SLMAP: variants seen among roughly 807,000 people sequenced by gnomAD.
The protein encoded by SLMAP is sarcolemmal membrane-associated protein.
In SLMAP, 44 loss-of-function variants were observed where a neutral mutation model predicts 128.8. The observed-to-expected ratio is 0.34, with a 90% CI of 0.27 to 0.44. The LOEUF (loss-of-function observed/expected upper bound fraction) is 0.44, where lower values mean the gene tolerates loss of function less well. Ranked by LOEUF, SLMAP falls within the 20% of genes least tolerant of loss-of-function variation. The pLI is 1.00. For synonymous variants in SLMAP, 327 were observed against 348.8 expected, an observed-to-expected ratio of 0.94 and a Z score of 0.70; for missense variants, 787 against 985.3, an observed-to-expected ratio of 0.80 and a Z score of 2.69.
chr3:57,854,392 G>A (rs1270439926), intron 6 of SLMAP, among the ~76,000 whole-genome samples: 1 of 152,082 alleles, frequency 6.6e-6, no homozygotes, highest in African/African-American at 2.4e-5. Context: ...GAGACCAGGA[G>A]TTCAAGACCA....
At chr3:57,808,553 G>C (rs1418853664) in intron 2 of SLMAP, among the ~76,000 whole-genome samples, 2 of 152,196 alleles carry the variant, frequency 1.3e-5, no homozygotes, top group African/African-American at 2.4e-5. Context: ...TTTCCATGCA[G>C]TTGTGTGGTT....
At chr3:57,896,179 G>A in intron 15 of SLMAP, 1 of 984,580 alleles carries the variant, frequency 1.0e-6, no homozygotes, top group Non-Finnish European at 1.2e-6. Flanking sequence ...CATTGTCCTG[G>A]GAATTGTACT....
chr3:57,832,909 C>A (rs931237906), intron 3 of SLMAP, among the ~76,000 whole-genome samples: 3 of 152,136 alleles, frequency 2.0e-5, no homozygotes, highest in Non-Finnish European at 2.9e-5. Context: ...ACACTTCTTA[C>A]TAAGAGAATT....
At chr3:57,854,156 A>T (rs572392512) in intron 6 of SLMAP, among the ~76,000 whole-genome samples, 2 of 149,872 alleles carry the variant, frequency 1.3e-5, no homozygotes, top group African/African-American at 2.5e-5. Flanking sequence ...TTCTCCCATT[A>T]TAAGTCCCTT....
rs925878705 is a variant in SLMAP at position 57,884,808 on chromosome 3, CA to C, written c.1301-5224del. On this transcript the variant is annotated intron_variant, in intron 14 of 24. Transcript: ENST00000671191. ...TGGGTGATAGAGCCAGACCTTGTCT[CA>C]AAAAAAAATAAAATAAAAAAATAAA... 6.7e-5 allele frequency among the ~76,000 whole-genome samples: 10 copies of C among 149,782 alleles called. No individual in the cohort carries two copies. In the South Asian group the frequency reaches 1.3e-3, roughly 19 times the overall value.
chr3:57,917,094 T>G lies in SLMAP; in HGVS notation c.2310+17T>G, dbSNP rs1247154956. The stretch of plus-strand genomic sequence containing the variant: ...CAGAAAGAGGTAAAGCGAAAAGACA[T>G]TATGAGCCCAATTATGGTTGGACTT... On this transcript the variant is annotated intron_variant, in intron 22 of 24. Transcript: ENST00000671191. 2 of 1,613,494 alleles carry G rather than the reference T, an allele frequency of 1.2e-6. No individual in the cohort carries two copies. The highest frequency in any genetic ancestry group is 1.7e-6 in the Non-Finnish European group (2 of 1,179,704).
intron 2 of SLMAP, among the ~76,000 whole-genome samples, chr3:57,799,333 C>A (rs1284544270): frequency 2.0e-5 from 3 of 152,210 alleles, no homozygotes; most frequent in South Asian, 2.1e-4. Flanking sequence ...TTGTGACCTA[C>A]TGATGGAGGA....
At chr3:57,919,808 A>G (rs1249443406) in intron 22 of SLMAP, among the ~76,000 whole-genome samples, 1 of 152,088 alleles carries the variant, frequency 6.6e-6, no homozygotes, top group African/African-American at 2.4e-5. Context: ...AAAAAAAAAA[A>G]AAATTCCTAA....
intron 2 of SLMAP, among the ~76,000 whole-genome samples, chr3:57,781,284 T>G (rs1417521063): frequency 1.3e-5 from 2 of 152,038 alleles, no homozygotes; most frequent in Non-Finnish European, 2.9e-5. Context: ...TGCAGCTACA[T>G]TATGTATGTA....
chr3:57,905,200 A>T, intron 17 of SLMAP, among the ~76,000 whole-genome samples: 1 of 152,202 alleles, frequency 6.6e-6, no homozygotes. Flanking sequence ...AGTTGCACAC[A>T]TATCTATATT....
At chr3:57,763,434 C>G (rs1237110362) in intron 2 of SLMAP, among the ~76,000 whole-genome samples, 2 of 151,978 alleles carry the variant, frequency 1.3e-5, no homozygotes, top group East Asian at 1.9e-4. Flanking sequence ...ACTACCACGC[C>G]CAGCTACTGT....
In SLMAP at chr3:57,796,949, G is replaced by A. The variant is rs559786888; in HGVS notation, c.199-34434G>A. 8.3e-4 allele frequency among the ~76,000 whole-genome samples: 126 copies of A among 152,226 alleles called. 1 individual carries two copies. The highest frequency in any genetic ancestry group is 4.0e-4 in the Non-Finnish European group (27 of 68,016). On this transcript the variant is annotated intron_variant, in intron 2 of 24. Coordinates refer to ENST00000671191, the MANE Select transcript of SLMAP (RefSeq NM_001377540.1). ...AATCTCAGCACTTTGGGAGACCGAG[G>A]TGAGAGATCACTTGAGGCCAGGAGT...
At chr3:57,812,677 T>C (rs1176767238) in intron 2 of SLMAP, among the ~76,000 whole-genome samples, 1 of 152,230 alleles carries the variant, frequency 6.6e-6, no homozygotes, top group African/African-American at 2.4e-5. Context: ...CTTAACAGTA[T>C]TAAGACTTCT....
At chr3:57,795,349 C>T (rs2086480172) in intron 2 of SLMAP, among the ~76,000 whole-genome samples, 1 of 152,102 alleles carries the variant, frequency 6.6e-6, no homozygotes, top group African/African-American at 2.4e-5. Flanking sequence ...ACCAGCCTGG[C>T]CAGCGTCGTG....
chr3:57,774,094 A>C (rs942836208), intron 2 of SLMAP, among the ~76,000 whole-genome samples: 8 of 152,208 alleles, frequency 5.3e-5, no homozygotes, highest in African/African-American at 1.9e-4. Context: ...CTTCAGTATG[A>C]AATATATTTT....
At chr3:57,888,138 A>G (rs986606582) in intron 14 of SLMAP, among the ~76,000 whole-genome samples, 6 of 152,112 alleles carry the variant, frequency 3.9e-5, no homozygotes, top group Admixed American at 3.3e-4. Flanking sequence ...GTGATAAATT[A>G]CTTGGTGTGT....
At chr3:57,857,371 T>TAC (rs1462678335) in intron 6 of SLMAP, among the ~76,000 whole-genome samples, 1 of 152,156 alleles carries the variant, frequency 6.6e-6, no homozygotes, top group Admixed American at 6.5e-5. Context: ...TTCCTATATA[T>TAC]ACACATACCT....
chr3:57,768,600 G>A (rs2080194058), intron 2 of SLMAP, among the ~76,000 whole-genome samples: 1 of 152,134 alleles, frequency 6.6e-6, no homozygotes, highest in African/African-American at 2.4e-5. Flanking sequence ...TCTAGGGGCT[G>A]AGGGTAATTA....
intron 9 of SLMAP, 58 bp downstream of exon 9, chr3:57,860,897 A>G: frequency 7.2e-7 from 1 of 1,388,738 alleles, no homozygotes; most frequent in Non-Finnish European, 9.8e-7. Flanking sequence ...AAAAATCTCA[A>G]GCATTCCAGG....
Sources: allele counts gnomAD v4.1 joint callset (sites outside exome capture counted in the v4.1 genomes callset), GRCh38; gene constraint gnomAD v4.1.1; transcripts MANE v1.5; gene names NCBI Gene and HGNC (gene_info 2026-07-23, HGNC 2026-07-21).